Variants in CSMD1 observed in about 807,000 individuals in gnomAD.
The protein encoded by CSMD1 is CUB and sushi domain-containing protein 1.
In CSMD1, 213 loss-of-function variants were observed where a neutral mutation model predicts 417.5. The observed-to-expected ratio is 0.51, with a 90% CI of 0.46 to 0.57. The LOEUF is 0.57. Among genes scored for constraint, CSMD1 ranks in the 20% least tolerant of loss-of-function variants. The probability of loss-of-function intolerance (pLI) is 0.00; values close to 1 mark genes in which losing one functional copy is unlikely to be tolerated. For synonymous variants in CSMD1, 2,862 were observed against 1,736.8 expected (o/e 1.65, Z -16.11); for missense variants, 6,923 against 4,529.7 (o/e 1.53, Z -15.17).
intron 1 of CSMD1, among the ~76,000 whole-genome samples, chr8:4,951,624 G>A (rs74645528): frequency 4.0e-5 from 6 of 151,438 alleles, no homozygotes; most frequent in Admixed American, 3.3e-4. Context: ...TAATGCCTGT[G>A]AATGACTTCT....
chr8:4,135,829 T>C (rs1298434431), intron 3 of CSMD1, among the ~76,000 whole-genome samples: 1 of 152,186 alleles, frequency 6.6e-6, no homozygotes, highest in African/African-American at 2.4e-5. Flanking sequence ...ATGGGATAGA[T>C]GTAACTACAA....
At chr8:3,805,310 C>A (rs991575175) in intron 5 of CSMD1, among the ~76,000 whole-genome samples, 8 of 152,128 alleles carry the variant, frequency 5.3e-5, no homozygotes, top group Non-Finnish European at 1.0e-4. Flanking sequence ...CACCAGGACA[C>A]CAGCCTCAAA....
intron 5 of CSMD1, among the ~76,000 whole-genome samples, chr8:3,986,252 G>A (rs1255188296): frequency 3.9e-5 from 6 of 152,028 alleles, no homozygotes; most frequent in African/African-American, 9.7e-5. Flanking sequence ...AACTTCCCTC[G>A]CCTGGCTGAG....
At chr8:3,224,306 C>A (rs1012251121) in intron 27 of CSMD1, among the ~76,000 whole-genome samples, 4 of 152,188 alleles carry the variant, frequency 2.6e-5, no homozygotes, top group Non-Finnish European at 2.9e-5. Context: ...TTTATAAAAT[C>A]ATTGCCTATT....
At chr8:4,097,660 T>C (rs959007342) in intron 3 of CSMD1, among the ~76,000 whole-genome samples, 1 of 152,224 alleles carries the variant, frequency 6.6e-6, no homozygotes, top group Admixed American at 6.5e-5. Context: ...CTTTAAAAGA[T>C]GTTCTTGTTT....
At position 2,975,297 on chromosome 8, in the gene CSMD1, T is replaced by C. The variant is rs566177979; in HGVS notation, c.8567-673A>G. On this transcript the variant is annotated intron_variant, in intron 55 of 69. Transcript: ENST00000635120. Reference sequence around the variant, plus strand: ...TCCTTCAAAAAGGCAAACTCTGTAATCCAGATTAAAATAGGATAGTGAAGA... The same window carrying C: ...TCCTTCAAAAAGGCAAACTCTGTAACCCAGATTAAAATAGGATAGTGAAGA... Among the ~76,000 whole-genome samples the C allele has an allele frequency of 3.5e-4, 54 of 152,314 alleles. No homozygotes were observed. The South Asian group carries it at 0.01, about 29-fold the overall frequency.
chr8:3,875,557 C>G (rs61063808), intron 5 of CSMD1, among the ~76,000 whole-genome samples: 1 of 151,902 alleles, frequency 6.6e-6, no homozygotes, highest in East Asian at 1.9e-4. Flanking sequence ...AGGAGAGGCT[C>G]CTTCAGGAGG....
At chr8:4,441,389 A>G (rs182974581) in intron 2 of CSMD1, among the ~76,000 whole-genome samples, 163 of 151,344 alleles carry the variant, frequency 1.1e-3, no homozygotes, top group Non-Finnish European at 2.0e-3. Flanking sequence ...CTGTAATCAC[A>G]GGCATGAGCC....
chr8:4,092,905 T>C (rs899240359), intron 3 of CSMD1, among the ~76,000 whole-genome samples: 57 of 151,988 alleles, frequency 3.8e-4, no homozygotes, highest in African/African-American at 1.3e-3. Context: ...AAAACACAAG[T>C]TTTTTTTAAT....
At chr8:3,154,768 C>A (rs1012075787) in intron 39 of CSMD1, among the ~76,000 whole-genome samples, 3 of 152,092 alleles carry the variant, frequency 2.0e-5, no homozygotes, top group Non-Finnish European at 4.4e-5. Flanking sequence ...GATATATTAA[C>A]CTCTAGAGAA....
chr8:4,304,261 G>A (rs574320068), intron 3 of CSMD1, among the ~76,000 whole-genome samples: 42 of 152,206 alleles, frequency 2.8e-4, no homozygotes, highest in African/African-American at 9.4e-4. Flanking sequence ...GCAAAGTCAA[G>A]GATTTTATAT....
intron 5 of CSMD1, among the ~76,000 whole-genome samples, chr8:3,996,207 C>T (rs368756172): frequency 6.6e-6 from 1 of 152,174 alleles, no homozygotes; most frequent in South Asian, 2.1e-4. Flanking sequence ...CCCAACCTGA[C>T]ATCTTACTAG....
intron 7 of CSMD1, among the ~76,000 whole-genome samples, chr8:3,705,234 T>C (rs1801098928): frequency 6.6e-6 from 1 of 152,190 alleles, no homozygotes; most frequent in Non-Finnish European, 1.5e-5. Flanking sequence ...AAGTTGGTGC[T>C]GAAATCCAGA....
intron 3 of CSMD1, among the ~76,000 whole-genome samples, chr8:4,381,528 G>C (rs894664713): frequency 6.6e-6 from 1 of 152,104 alleles, no homozygotes; most frequent in Non-Finnish European, 1.5e-5. Context: ...TTATATTGAG[G>C]TTGGTAGGGA....
chr8:3,289,013 T>G (rs1263600386), intron 25 of CSMD1, among the ~76,000 whole-genome samples: 1 of 138,902 alleles, frequency 7.2e-6, no homozygotes, highest in Non-Finnish European at 1.5e-5. Flanking sequence ...TGTGTGATGT[T>G]CCCCTTCCTG....
At chr8:3,805,781 G>T (rs74921500) in intron 5 of CSMD1, among the ~76,000 whole-genome samples, 1 of 152,100 alleles carries the variant, frequency 6.6e-6, no homozygotes, top group East Asian at 1.9e-4. Context: ...CCCAGTCTTT[G>T]TGAGTCATCT....
chr8:3,569,833 A>T (rs938722738), intron 10 of CSMD1, among the ~76,000 whole-genome samples: 1 of 152,166 alleles, frequency 6.6e-6, no homozygotes, highest in Non-Finnish European at 1.5e-5. Flanking sequence ...GTGCTTTGCT[A>T]AGAGTATTGG....
chr8:4,402,454 G>T (rs1331224437), intron 3 of CSMD1, among the ~76,000 whole-genome samples: 2 of 152,100 alleles, frequency 1.3e-5, no homozygotes, highest in Non-Finnish European at 2.9e-5. Flanking sequence ...ATAGCATGGA[G>T]CTAAGCTTCC....
intron 12 of CSMD1, among the ~76,000 whole-genome samples, chr8:3,413,041 A>T (rs916641202): frequency 1.3e-5 from 2 of 152,206 alleles, no homozygotes; most frequent in Admixed American, 1.3e-4. Context: ...TGATCAATTT[A>T]GTCTCATCAA....
Sources: allele counts gnomAD v4.1 joint callset (sites outside exome capture counted in the v4.1 genomes callset), GRCh38; gene constraint gnomAD v4.1.1; transcripts MANE v1.5; gene names NCBI Gene and HGNC (gene_info 2026-07-23, HGNC 2026-07-21).